FLT1: variants seen among roughly 807,000 people sequenced by gnomAD.
FLT1 encodes vascular endothelial growth factor receptor 1.
FLT1 carries 49 observed loss-of-function variants against 156.3 expected under a neutral mutation model. The observed-to-expected ratio is 0.31, with a 90% CI of 0.25 to 0.40. The LOEUF is 0.40. Among genes scored for constraint, FLT1 ranks in the 10% least tolerant of loss-of-function variants. The probability of loss-of-function intolerance (pLI) is 1.00; values close to 1 mark genes in which losing one functional copy is unlikely to be tolerated. For missense variants in FLT1, 1,322 were observed against 1,637.2 expected (o/e 0.81, Z 3.32); for synonymous variants, 594 against 583.8 (o/e 1.02, Z -0.25).
chr13:28,337,252 A>G (rs935768838), intron 17 of FLT1, among the ~76,000 whole-genome samples: 2 of 151,992 alleles, frequency 1.3e-5, no homozygotes, highest in Non-Finnish European at 2.9e-5. Flanking sequence ...ATCAGGTACT[A>G]TAAATTCCAA....
chr13:28,441,439 T>C lies in FLT1; in HGVS notation c.389-3094A>G, dbSNP rs139490246. Among the ~76,000 whole-genome samples the C allele has an allele frequency of 5.9e-5, 9 of 152,328 alleles. No individual in the cohort carries two copies. In the East Asian group the frequency reaches 1.7e-3, roughly 29 times the overall value. On this transcript the variant is annotated intron_variant, in intron 3 of 29. Coordinates refer to ENST00000282397, the MANE Select transcript of FLT1 (RefSeq NM_002019.4). The stretch of plus-strand genomic sequence containing the variant: ...CTGCTCTAAAATTTGCCTCAGTCTC[T>C]CCCTCTGCCTTACACCTACTAATGC...
At position 28,489,061 on chromosome 13, in the gene FLT1, G is replaced by C. The variant is rs181837927; in HGVS notation, c.64+5719C>G. ...CAGAGCCTGGCTTTGGTGGCTCACA[G>C]GCCCCAGCGAAGCATCATGCCCACA... On this transcript the variant is annotated intron_variant, in intron 1 of 29. Transcript: ENST00000282397. Among the ~76,000 whole-genome samples the C allele has an allele frequency of 1.4e-4, 22 of 152,326 alleles. No individual in the cohort carries two copies. In the East Asian group the frequency reaches 4.1e-3, roughly 28 times the overall value.
intron 14 of FLT1, among the ~76,000 whole-genome samples, chr13:28,359,640 G>T (rs1042662698): frequency 6.6e-6 from 1 of 152,108 alleles, no homozygotes; most frequent in Non-Finnish European, 1.5e-5. Flanking sequence ...TCATACATCA[G>T]ATAAGGAGCC....
At chr13:28,463,401 G>A (rs1484484924) in intron 3 of FLT1, among the ~76,000 whole-genome samples, 1 of 152,074 alleles carries the variant, frequency 6.6e-6, no homozygotes, top group Non-Finnish European at 1.5e-5. Context: ...TTACATGCTG[G>A]GTTTTGTGAC....
chr13:28,302,609 C>T lies in FLT1; in HGVS notation c.*558G>A, dbSNP rs910937893. On this transcript the variant is annotated 3_prime_UTR_variant, in exon 30 of 30. Coordinates refer to ENST00000282397, the MANE Select transcript of FLT1 (RefSeq NM_002019.4). ...GGCATTGCTGAGCCCCGTCCCCCTC[C>T]GTGCCCACATGGTGCGTCTCAAATT... The T allele has an allele frequency of 4.7e-5, 11 of 234,542 alleles. No homozygotes were observed. The highest frequency in any genetic ancestry group is 5.9e-5 in the Non-Finnish European group (7 of 119,012). 14.5% of individuals were successfully genotyped at this position (234,542 alleles called of 1,614,324 possible). A position where few individuals can be genotyped will look rare whatever the true frequency, so the allele number is the denominator to read the frequency against.
chr13:28,396,035 A>C (rs561218229), intron 12 of FLT1, among the ~76,000 whole-genome samples: 1 of 152,364 alleles, frequency 6.6e-6, no homozygotes, highest in East Asian at 1.9e-4. Flanking sequence ...TCTGGAAAAT[A>C]CAAGAGCTAT....
chr13:28,403,966 C>T lies in FLT1; in HGVS notation c.1551+1814G>A, dbSNP rs141224154. On this transcript the variant is annotated intron_variant, in intron 11 of 29. Transcript: ENST00000282397. ...CTGAGGCACAGGAATCACTTGAACC[C>T]GGGAGGCAGACGTTGCCGTGAGCTG... Among the ~76,000 whole-genome samples the T allele has an allele frequency of 5.7e-3, 861 of 151,356 alleles. 6 individuals carry two copies. Among genetic ancestry groups the T allele is most frequent in the African/African-American group, 0.019 (801 of 41,342 alleles).
At chr13:28,303,397 A>G (rs1373407727) in intron 29 of FLT1, 29 bp from the exon 30 acceptor site, 11 of 1,600,846 alleles carry the variant, frequency 6.9e-6, no homozygotes, top group Non-Finnish European at 9.4e-6. Flanking sequence ...GAAATCAAAT[A>G]TTCAAAATTG....
At chr13:28,304,523 A>G (rs960009115) in intron 29 of FLT1, among the ~76,000 whole-genome samples, 2 of 151,694 alleles carry the variant, frequency 1.3e-5, no homozygotes, top group Non-Finnish European at 2.9e-5. Context: ...TTTTTTTTTA[A>G]TGAGAGCTTT....
intron 3 of FLT1, among the ~76,000 whole-genome samples, chr13:28,465,006 T>C (rs1879772388): frequency 6.6e-6 from 1 of 152,176 alleles, no homozygotes; most frequent in African/African-American, 2.4e-5. Context: ...TGTTTTCCTT[T>C]CTCCACAGAT....
intron 1 of FLT1, among the ~76,000 whole-genome samples, chr13:28,492,937 A>C (rs1319732640): frequency 6.6e-6 from 1 of 151,934 alleles, no homozygotes; most frequent in Non-Finnish European, 1.5e-5. Context: ...CTTCCCAAAA[A>C]AGTGCAAATA....
At chr13:28,374,232 T>C (rs73453245) in intron 14 of FLT1, among the ~76,000 whole-genome samples, 657 of 151,842 alleles carry the variant, frequency 4.3e-3, no homozygotes, top group African/African-American at 0.014. Flanking sequence ...CTGGGCAACA[T>C]AGAAAGACCA....
chr13:28,330,748 C>T (rs1172237198), intron 18 of FLT1, among the ~76,000 whole-genome samples: 3 of 151,776 alleles, frequency 2.0e-5, no homozygotes, highest in Admixed American at 2.0e-4. Context: ...GAGTCTCCCT[C>T]TGTCGCCCAG....
intron 10 of FLT1, among the ~76,000 whole-genome samples, chr13:28,424,499 ATAACT>A (rs976875766): frequency 2.0e-5 from 3 of 152,158 alleles, no homozygotes; most frequent in Non-Finnish European, 4.4e-5. Context: ...GGTAGTTATA[ATAACT>A]TAACATATTT....
chr13:28,432,968 T>C (rs1442270035), intron 6 of FLT1, among the ~76,000 whole-genome samples: 6 of 152,270 alleles, frequency 3.9e-5, no homozygotes, highest in African/African-American at 1.4e-4. Flanking sequence ...TTACACGTTT[T>C]TGTTGCTAAG....
At chr13:28,392,867 T>C (rs1224429795) in intron 12 of FLT1, among the ~76,000 whole-genome samples, 1 of 152,212 alleles carries the variant, frequency 6.6e-6, no homozygotes, top group Non-Finnish European at 1.5e-5. Flanking sequence ...TCACTGAAGC[T>C]AATTTGTTAT....
At chr13:28,356,881 A>C (rs1419221279) in intron 15 of FLT1, among the ~76,000 whole-genome samples, 3 of 152,232 alleles carry the variant, frequency 2.0e-5, no homozygotes, top group Admixed American at 6.5e-5. Flanking sequence ...TAGAGAATTG[A>C]AACTGAGGTC....
chr13:28,369,786 G>A (rs531472432), intron 14 of FLT1, among the ~76,000 whole-genome samples: 7 of 152,178 alleles, frequency 4.6e-5, no homozygotes, highest in Non-Finnish European at 8.8e-5. Context: ...AAAACATAGC[G>A]TCTAAAGGAG....
At position 28,405,872 on chromosome 13, in the gene FLT1, C is replaced by T. The variant is rs866351272; in HGVS notation, c.1459G>A (p.Glu487Lys). 6.2e-7 allele frequency: 1 copy of T among 1,603,862 alleles called. No individual in the cohort carries two copies. The highest frequency in any genetic ancestry group is 1.7e-5 in the Admixed American group (1 of 59,962). Residue 487 changes from glutamate (E) to lysine (K), a missense_variant, in exon 11 of 30, where the codon GAA (glutamate) becomes AAA (lysine). Transcript: ENST00000282397. ...EARCDFCSNN[E>K]ESFILDADSN... ...TCAGCATCCAGGATAAAGGACTCTT[C>T]ATTATTGGAACAAAAGTCACACCTA...
Sources: allele counts gnomAD v4.1 joint callset (sites outside exome capture counted in the v4.1 genomes callset), GRCh38; gene constraint gnomAD v4.1.1; transcripts MANE v1.5; gene names NCBI Gene and HGNC (gene_info 2026-07-23, HGNC 2026-07-21).